MSANTD7: variants seen among roughly 807,000 people sequenced by gnomAD.
MSANTD7 encodes zinc finger and SCAN domain containing 29.
At chr10:14,838,963 C>T in the MSANTD7 span, among the ~76,000 whole-genome samples, 1 of 152,160 alleles carries the variant, frequency 6.6e-6, no homozygotes, top group Non-Finnish European at 1.5e-5. Context: ...AGGCGGTGGT[C>T]TCTGGGACAG....
the MSANTD7 span, chr10:14,845,113 C>G: frequency 1.3e-5 from 13 of 985,284 alleles, no homozygotes; most frequent in African/African-American, 1.7e-5. Context: ...ACAGATGAGC[C>G]TCCTCCACAC....
chr10:14,844,502 C>T, the MSANTD7 span: 7 of 958,714 alleles, frequency 7.3e-6, no homozygotes, highest in Non-Finnish European at 8.7e-6. Context: ...ATAAGCACAA[C>T]CTGTATTTGT....
chr10:14,843,912 C>T, the MSANTD7 span: 2 of 1,535,552 alleles, frequency 1.3e-6, no homozygotes, highest in Non-Finnish European at 1.7e-6. Flanking sequence ...TTACAAAAGG[C>T]TCTGCTTCCT....
At chr10:14,841,426 C>T in the MSANTD7 span, among the ~76,000 whole-genome samples, 3 of 152,156 alleles carry the variant, frequency 2.0e-5, no homozygotes, top group South Asian at 4.2e-4. Flanking sequence ...TGCAGTTTCC[C>T]ATGCTGCTGT....
the MSANTD7 span, chr10:14,843,435 C>A: frequency 1.2e-5 from 19 of 1,550,838 alleles, 1 homozygote; most frequent in East Asian, 4.4e-4. Context: ...CAGTTGCTCC[C>A]TGTCAGAGCA....
At chr10:14,845,598 A>T in the MSANTD7 span, 998 of 704,984 alleles carry the variant, frequency 1.4e-3, 1 homozygote, top group African/African-American at 5.7e-3. Flanking sequence ...TATTATTATT[A>T]TTTTTTTTTT....
the MSANTD7 span, chr10:14,838,317 C>G: frequency 1.5e-6 from 2 of 1,351,452 alleles, no homozygotes; most frequent in Non-Finnish European, 2.1e-6. Flanking sequence ...TGAAGCTCCG[C>G]GGTGCCTGAT....
chr10:14,841,800 T>A, the MSANTD7 span, among the ~76,000 whole-genome samples: 1 of 152,218 alleles, frequency 6.6e-6, no homozygotes, highest in Non-Finnish European at 1.5e-5. Flanking sequence ...ATCTTTCAGA[T>A]TGCTATACCG....
the MSANTD7 span, chr10:14,842,183 G>A: frequency 5.2e-6 from 8 of 1,535,014 alleles, no homozygotes; most frequent in African/African-American, 1.4e-5. The surrounding 1 kb of genome is among the most constrained non-coding windows in gnomAD (Gnocchi z 5.2). Context: ...TCCCTGAGAG[G>A]GAAGATCCTG....
the MSANTD7 span, chr10:14,838,466 G>A: frequency 2.5e-6 from 4 of 1,601,498 alleles, no homozygotes; most frequent in South Asian, 4.5e-5. Flanking sequence ...TAAGGTGAGG[G>A]GCTGCGGAGC....
the MSANTD7 span, among the ~76,000 whole-genome samples, chr10:14,839,744 T>C: frequency 6.6e-6 from 1 of 152,208 alleles, no homozygotes; most frequent in Non-Finnish European, 1.5e-5. Context: ...TTATAGGCTT[T>C]CTATGAAAAC....
At chr10:14,842,676 C>T in the MSANTD7 span, 2 of 1,536,272 alleles carry the variant, frequency 1.3e-6, no homozygotes, top group Non-Finnish European at 1.7e-6. This position sits in a 1 kb window ranked among gnomAD's most constrained non-coding sequence, Gnocchi z 5.2. Flanking sequence ...TCTGACGCCC[C>T]AGGGGAAGAG....
the MSANTD7 span, chr10:14,845,257 A>G: frequency 1.0e-6 from 1 of 985,168 alleles, no homozygotes; most frequent in Admixed American, 6.1e-5. Context: ...TAGGAATACA[A>G]ATAGGAATCT....
the MSANTD7 span, among the ~76,000 whole-genome samples, chr10:14,840,992 G>A: frequency 6.6e-6 from 1 of 152,136 alleles, no homozygotes; most frequent in Non-Finnish European, 1.5e-5. Flanking sequence ...TCGGCCCCAG[G>A]TTCTTTTCTT....
chr10:14,844,199 G>T, the MSANTD7 span: 1 of 1,156,126 alleles, frequency 8.6e-7, no homozygotes, highest in African/African-American at 1.6e-5. Flanking sequence ...TTCCTCATCC[G>T]TAAAATGGGG....
the MSANTD7 span, among the ~76,000 whole-genome samples, chr10:14,841,515 G>C: frequency 6.6e-6 from 1 of 152,100 alleles, no homozygotes; most frequent in Non-Finnish European, 1.5e-5. Context: ...CAAAATTATA[G>C]TACAGTGTCA....
chr10:14,842,478 A>G, the MSANTD7 span: 1 of 1,536,018 alleles, frequency 6.5e-7, no homozygotes, highest in South Asian at 1.2e-5. The surrounding 1 kb of genome is among the most constrained non-coding windows in gnomAD (Gnocchi z 5.2). Context: ...TGCCGCTCCA[A>G]GTTTAAAGTT....
the MSANTD7 span, among the ~76,000 whole-genome samples, chr10:14,838,771 G>A: frequency 6.6e-6 from 1 of 152,220 alleles, no homozygotes; most frequent in Admixed American, 6.5e-5. Context: ...GGGGGGTCCC[G>A]GAGACAGCGG....
At chr10:14,840,365 T>C in the MSANTD7 span, among the ~76,000 whole-genome samples, 1 of 152,192 alleles carries the variant, frequency 6.6e-6, no homozygotes, top group Non-Finnish European at 1.5e-5. Context: ...CAGATGTTAG[T>C]TTCTTGCTGA....
Sources: gnomAD v4.1 joint callset for allele counts (sites outside exome capture counted in the v4.1 genomes callset) on GRCh38, gnomAD v4.1.1 for gene constraint, Gnocchi (gnomAD v3.1) non-coding constraint, MANE v1.5 for transcripts, NCBI Gene and HGNC (gene_info 2026-07-23, HGNC 2026-07-21) for gene names.